POLR2F: variants seen among roughly 807,000 people sequenced by gnomAD.
The protein encoded by POLR2F is DNA-directed RNA polymerases I, II, and III subunit RPABC2.
A neutral mutation model predicts 22.7 loss-of-function variants in POLR2F; 12 were observed. The ratio of observed to expected loss-of-function variants is 0.53; its 90% CI spans 0.34 to 0.86. The LOEUF (loss-of-function observed/expected upper bound fraction) is 0.86. Ranked by LOEUF, POLR2F falls within the 40% of genes least tolerant of loss-of-function variation. The probability of loss-of-function intolerance (pLI) is 0.02; values close to 1 mark genes in which losing one functional copy is unlikely to be tolerated. For missense variants in POLR2F, 126 were observed against 171.5 expected (o/e 0.73, Z 1.48); for synonymous variants, 57 against 66.0 (o/e 0.86, Z 0.66).
At chr22:38,040,130 G>C (rs1327592215) in intron 5 of POLR2F, among the ~76,000 whole-genome samples, 1 of 151,676 alleles carries the variant, frequency 6.6e-6, no homozygotes, top group Non-Finnish European at 1.5e-5. Flanking sequence ...TAAAAAATTA[G>C]CTAATCATGG....
chr22:38,022,722 A>C (rs1157599889), intron 1 of POLR2F, among the ~76,000 whole-genome samples: 1 of 151,946 alleles, frequency 6.6e-6, no homozygotes, highest in Non-Finnish European at 1.5e-5. Flanking sequence ...ATAAAAAAAG[A>C]AATAAGTGGG....
rs1932178547 is a variant in POLR2F, at chr22:37,974,895, G to C, written c.293+7725G>C. 6.6e-6 allele frequency among the ~76,000 whole-genome samples: 1 copy of C among 152,194 alleles called. No homozygotes were observed. Among genetic ancestry groups the C allele is most frequent in the South Asian group, 2.1e-4 (1 of 4,824 alleles). On this transcript the variant is annotated intron_variant, in intron 4 of 4. Coordinates refer to the POLR2F transcript ENST00000405557. This position sits in a 1 kb window ranked among gnomAD's most constrained non-coding sequence, Gnocchi z 5.4. ...CTGAGCCTCGCTCGCCCAGGCTCCT[G>C]AGTGCTCTGTTTCACCTTTGCTGGT...
rs747528688 is a variant in POLR2F at position 37,959,350 on chromosome 22, G to T, written c.95G>T (p.Gly32Val). The T allele has an allele frequency of 1.4e-5, 22 of 1,613,752 alleles. No homozygotes were observed. Among genetic ancestry groups the T allele is most frequent in the East Asian group, 6.7e-5 (3 of 44,876 alleles). The part of the protein sequence containing the change: ...LDDLENAEEE[G>V]QENVEILPSG... ...CTTTTTTGTCTTGGTGTCCAGGAAG[G>T]CCAGGAGAATGTCGAGATCCTCCCC... Residue 32 changes from glycine to valine, a missense_variant, in exon 3 of 5, where the codon GGC becomes GTC. By Grantham distance (109) the Gly-to-Val change is moderately radical (BLOSUM62 -3). Transcript: ENST00000442738.
At chr22:37,987,517 G>T (rs760643584) in intron 1 of POLR2F, 5 of 354,192 alleles carry the variant, frequency 1.4e-5, no homozygotes, top group Non-Finnish European at 2.8e-5. Context: ...CACCTGTCAC[G>T]TGGGGCGATG....
chr22:37,959,674 A>C (rs1165237783), intron 3 of POLR2F, among the ~76,000 whole-genome samples, 198 bp downstream of exon 3: 1 of 151,776 alleles, frequency 6.6e-6, no homozygotes, highest in Non-Finnish European at 1.5e-5. Context: ...GAACTAGGAC[A>C]TGAACATCTG....
At chr22:38,040,945 A>G in intron 5 of POLR2F, 1 of 1,506,234 alleles carries the variant, frequency 6.6e-7, no homozygotes, top group Non-Finnish European at 9.1e-7. Context: ...GCCAGAGGAG[A>G]GAGAATAATG....
At chr22:38,002,463 C>A (rs1400855254) in intron 1 of POLR2F, among the ~76,000 whole-genome samples, 1 of 152,154 alleles carries the variant, frequency 6.6e-6, no homozygotes. Context: ...ACCTCCGCCT[C>A]CCAGGCTCAA....
At chr22:37,964,359 G>A (rs1931768762) in intron 3 of POLR2F, among the ~76,000 whole-genome samples, 2 of 152,102 alleles carry the variant, frequency 1.3e-5, no homozygotes, top group African/African-American at 4.8e-5. Context: ...AGGTCCAGGT[G>A]GAGGCAGGCA....
At chr22:37,958,106 G>A (rs1931473856) in intron 2 of POLR2F, among the ~76,000 whole-genome samples, 1 of 151,892 alleles carries the variant, frequency 6.6e-6, no homozygotes, top group South Asian at 2.1e-4. Context: ...TGAACTCCTG[G>A]GCTCAAGTGA....
In POLR2F at chr22:38,012,301, C is replaced by T. The variant is rs192371832; in HGVS notation, c.121-13568C>T. On this transcript the variant is annotated intron_variant, in intron 1 of 2. Transcript: ENST00000333418. ...TTTGCCATATTGGCCAGGCTGGTCT[C>T]GAACTCCTGGCCTCAAGTGATCCTC... Among the ~76,000 whole-genome samples, 62 of 152,182 alleles carry T rather than the reference C, an allele frequency of 4.1e-4. No homozygotes were observed. In the East Asian group the frequency reaches 5.4e-3, roughly 13 times the overall value.
At chr22:37,987,046 G>T (rs1361289158) in intron 1 of POLR2F, 4 of 456,526 alleles carry the variant, frequency 8.8e-6, no homozygotes, top group Non-Finnish European at 1.8e-5. Context: ...GGATGCTTGT[G>T]ACCTCCTTAC....
chr22:37,968,441 T>G lies in POLR2F; in HGVS notation c.*726T>G, dbSNP rs1411201796. The G allele has an allele frequency of 1.0e-6, 1 of 985,818 alleles. No individual in the cohort carries two copies. The highest frequency in any genetic ancestry group is 1.7e-5 in the African/African-American group (1 of 57,252). The allele number at this position is 985,818 out of a possible 1,614,324, so 61.1% of individuals were successfully genotyped here. ...TCTTCCTAGCCTCTATAAGATATCCTTTCCCTCCTATTTGGGGCTGGTGAT... is the reference window on the plus strand; with the variant it reads ...TCTTCCTAGCCTCTATAAGATATCCGTTCCCTCCTATTTGGGGCTGGTGAT... On this transcript the variant is annotated 3_prime_UTR_variant, in exon 5 of 5. Transcript: ENST00000442738.
chr22:38,008,256 A>C lies in POLR2F; in HGVS notation c.121-17613A>C, dbSNP rs576623592. ...CTGTCTCAAAACAAAACAAAAAATT[A>C]AACATTAAAAAAGGCAGGCGCTGTG... On this transcript the variant is annotated intron_variant, in intron 1 of 2. Transcript: ENST00000333418. Among the ~76,000 whole-genome samples the C allele has an allele frequency of 1.1e-3, 171 of 152,070 alleles. 1 individual carries two copies. The highest frequency in any genetic ancestry group is 1.8e-3 in the Non-Finnish European group (119 of 67,960).
At chr22:37,957,792 C>T (rs1214779761) in intron 2 of POLR2F, among the ~76,000 whole-genome samples, 1 of 152,104 alleles carries the variant, frequency 6.6e-6, no homozygotes, top group Non-Finnish European at 1.5e-5. Flanking sequence ...AATTGTGTGG[C>T]TGGTTTTCCT....
chr22:37,977,983 T>G, intron 4 of POLR2F: 1 of 1,611,992 alleles, frequency 6.2e-7, no homozygotes, highest in Non-Finnish European at 8.5e-7. Context: ...TTGCTCGGCC[T>G]CCCCACCGGG....
At chr22:38,008,644 G>T (rs554791425) in intron 1 of POLR2F, among the ~76,000 whole-genome samples, 4 of 152,130 alleles carry the variant, frequency 2.6e-5, no homozygotes, top group African/African-American at 9.6e-5. Context: ...GGCCGAGGCG[G>T]GTGGGTCACC....
intron 2 of POLR2F, among the ~76,000 whole-genome samples, chr22:37,957,838 C>T (rs1016069363): frequency 3.9e-5 from 6 of 152,184 alleles, no homozygotes; most frequent in Admixed American, 6.6e-5. Context: ...TCTGTGTGCT[C>T]TTCTCCTTTC....
chr22:38,014,814 T>G (rs1005200313), intron 1 of POLR2F, among the ~76,000 whole-genome samples: 1 of 145,816 alleles, frequency 6.9e-6, no homozygotes, highest in Admixed American at 6.8e-5. Flanking sequence ...GTATTTTTTT[T>G]TTTTTTTTTT....
upstream of POLR2F, among the ~76,000 whole-genome samples, chr22:37,981,710 C>T (rs375237207): frequency 6.6e-6 from 1 of 152,150 alleles, no homozygotes; most frequent in Admixed American, 6.5e-5. Flanking sequence ...GCTCTTTGTC[C>T]CCTGGCACTA....
Sources: allele counts gnomAD v4.1 joint callset (sites outside exome capture counted in the v4.1 genomes callset), GRCh38; gene constraint gnomAD v4.1.1; non-coding constraint Gnocchi (gnomAD v3.1); transcripts MANE v1.5; gene names NCBI Gene and HGNC (gene_info 2026-07-23, HGNC 2026-07-21).